The following PTPRM variants were observed in gnomAD, a reference collection of about 807,000 sequenced individuals.
PTPRM encodes receptor-type tyrosine-protein phosphatase mu.
PTPRM carries 47 observed loss-of-function variants against 186.7 expected under a neutral mutation model. The ratio of observed to expected loss-of-function variants is 0.25; its 90% CI spans 0.20 to 0.32. PTPRM has a LOEUF of 0.32. PTPRM is among the 10% of genes least tolerant of loss of function. The probability of loss-of-function intolerance (pLI) is 1.00; values close to 1 mark genes in which losing one functional copy is unlikely to be tolerated. For synonymous variants in PTPRM, 668 were observed against 674.9 expected, an observed-to-expected ratio of 0.99 and a Z score of 0.16; for missense variants, 1,494 against 1,865.0, an observed-to-expected ratio of 0.80 and a Z score of 3.66.
At chr18:8,252,561 G>A in intron 18 of PTPRM, 62 bp downstream of exon 18, 1 of 1,483,010 alleles carries the variant, frequency 6.7e-7, no homozygotes, top group South Asian at 1.1e-5. Flanking sequence ...GTGTCTTACT[G>A]GTAGATTCTG....
intron 1 of PTPRM, among the ~76,000 whole-genome samples, chr18:7,659,016 A>G (rs2038918682): frequency 6.6e-6 from 1 of 151,892 alleles, no homozygotes; most frequent in African/African-American, 2.4e-5. Flanking sequence ...GACAGCTACC[A>G]TTTCCATATT....
At chr18:8,280,429 C>A (rs1463402740) in intron 19 of PTPRM, among the ~76,000 whole-genome samples, 1 of 150,916 alleles carries the variant, frequency 6.6e-6, no homozygotes, top group East Asian at 2.0e-4. Flanking sequence ...GGTCACAATT[C>A]AGCCTGTGAC....
chr18:8,342,763 T>C (rs1408227056), intron 22 of PTPRM, among the ~76,000 whole-genome samples: 1 of 152,222 alleles, frequency 6.6e-6, no homozygotes, highest in African/African-American at 2.4e-5. Context: ...AGCACTGGCC[T>C]TTTGTAATAT....
intron 1 of PTPRM, among the ~76,000 whole-genome samples, chr18:7,631,634 A>T (rs1182892155): frequency 6.6e-6 from 1 of 152,216 alleles, no homozygotes; most frequent in Admixed American, 6.5e-5. Flanking sequence ...TTAAAACATT[A>T]TGATTTTTTT....
chr18:8,378,166 T>A, intron 26 of PTPRM, 99 bp from the exon 27 acceptor site: 2 of 1,250,216 alleles, frequency 1.6e-6, no homozygotes, highest in Non-Finnish European at 2.3e-6. Context: ...CTGGAGGAAC[T>A]GTCTCCACTC....
chr18:8,042,142 T>C (rs762100543), intron 7 of PTPRM, among the ~76,000 whole-genome samples: 4 of 152,198 alleles, frequency 2.6e-5, no homozygotes, highest in Non-Finnish European at 5.9e-5. Context: ...AATCAAGCAC[T>C]GGGGTAATTT....
At chr18:7,986,677 A>G (rs565433658) in intron 7 of PTPRM, among the ~76,000 whole-genome samples, 1 of 152,198 alleles carries the variant, frequency 6.6e-6, no homozygotes, top group South Asian at 2.1e-4. Flanking sequence ...AATTTAGCAA[A>G]TGTTTTAAAA....
At chr18:8,353,513 A>C (rs951230699) in intron 23 of PTPRM, among the ~76,000 whole-genome samples, 1 of 152,130 alleles carries the variant, frequency 6.6e-6, no homozygotes, top group Admixed American at 6.5e-5. Flanking sequence ...AGGAGTATAC[A>C]GTTTGGGTGT....
intron 2 of PTPRM, among the ~76,000 whole-genome samples, chr18:7,784,565 A>AATTATGTTT (rs1195582138): frequency 6.6e-6 from 1 of 152,212 alleles, no homozygotes; most frequent in Non-Finnish European, 1.5e-5. Flanking sequence ...TGGCACTAGA[A>AATTATGTTT]ATTATGTTTC....
chr18:7,857,917 G>A (rs1012632444), intron 2 of PTPRM, among the ~76,000 whole-genome samples: 4 of 152,164 alleles, frequency 2.6e-5, no homozygotes, highest in African/African-American at 9.7e-5. Flanking sequence ...AAAAAGTAAA[G>A]CAAAGTAGAG....
intron 5 of PTPRM, 108 bp from the exon 6 acceptor site, chr18:7,949,073 C>A (rs891814615): frequency 3.6e-6 from 4 of 1,106,786 alleles, no homozygotes; most frequent in Non-Finnish European, 5.1e-6. Flanking sequence ...GCAACTGCAC[C>A]AAGGTCTGCA....
chr18:8,153,005 T>C (rs111596101), intron 14 of PTPRM, among the ~76,000 whole-genome samples: 6,116 of 152,240 alleles, frequency 0.04, 266 homozygotes, highest in African/African-American at 0.11. Flanking sequence ...CATGAGCCAC[T>C]GCGCCTGGCC....
chr18:7,946,342 A>G (rs1460150316), intron 5 of PTPRM, among the ~76,000 whole-genome samples: 2 of 152,210 alleles, frequency 1.3e-5, no homozygotes, highest in African/African-American at 2.4e-5. Flanking sequence ...TGCCGCAAGT[A>G]AATAGATAAA....
chr18:7,981,211 T>A (rs890735560), intron 7 of PTPRM, among the ~76,000 whole-genome samples: 1 of 152,054 alleles, frequency 6.6e-6, no homozygotes, highest in African/African-American at 2.4e-5. Flanking sequence ...TATCCCCTCC[T>A]CAGGGAGGCT....
At position 8,000,497 on chromosome 18, in the gene PTPRM, A is replaced by G. The variant is rs190627729; in HGVS notation, c.1132+45083A>G. 3.5e-4 allele frequency among the ~76,000 whole-genome samples: 54 copies of G among 152,298 alleles called. 1 individual carries two copies. In the East Asian group the frequency reaches 9.8e-3, roughly 28 times the overall value. ...GGTGTATTTGAATAACAGAATTCTC[A>G]CTTGGGGGCCCAGCTTCAATTCATA... On this transcript the variant is annotated intron_variant, in intron 7 of 32. Transcript: ENST00000580170.
intron 7 of PTPRM, among the ~76,000 whole-genome samples, chr18:8,033,756 T>C (rs2086150482): frequency 6.6e-6 from 1 of 152,234 alleles, no homozygotes; most frequent in Non-Finnish European, 1.5e-5. Context: ...AGTACCTGAA[T>C]TATGGACTGA....
intron 13 of PTPRM, among the ~76,000 whole-genome samples, chr18:8,134,362 T>TA (rs1240310275): frequency 6.6e-6 from 1 of 152,202 alleles, no homozygotes; most frequent in Non-Finnish European, 1.5e-5. Flanking sequence ...TGTTAATCAC[T>TA]AGACAGCAAA....
Position 7,663,818 on chromosome 18 carries a change from C to T in PTPRM, c.73+95927C>T, listed in dbSNP as rs138552537. Among the ~76,000 whole-genome samples, 487 of 152,292 alleles carry T rather than the reference C, an allele frequency of 3.2e-3. 1 individual carries two copies. The highest frequency in any genetic ancestry group is 0.011 in the African/African-American group (459 of 41,562). On this transcript the variant is annotated intron_variant, in intron 1 of 32. Transcript: ENST00000580170. ...CTCAGGGCTGAGGATAATTGCTGGGCAGAGCAGACCGTCATAGGCACCTGG... is the reference window on the plus strand; with the variant it reads ...CTCAGGGCTGAGGATAATTGCTGGGTAGAGCAGACCGTCATAGGCACCTGG...
intron 1 of PTPRM, among the ~76,000 whole-genome samples, chr18:7,661,391 A>G (rs2038977510): frequency 6.6e-6 from 1 of 152,196 alleles, no homozygotes. Flanking sequence ...CTCATGTGGG[A>G]TTCTTGCCAG....
Sources: allele counts gnomAD v4.1 joint callset (sites outside exome capture counted in the v4.1 genomes callset), GRCh38; gene constraint gnomAD v4.1.1; transcripts MANE v1.5; gene names NCBI Gene and HGNC (gene_info 2026-07-23, HGNC 2026-07-21).